SUPV3L1: variants seen among roughly 807,000 people sequenced by gnomAD.
SUPV3L1 encodes the protein Suv3 like RNA helicase, also known as ATP-dependent RNA helicase SUPV3L1, mitochondrial.
Under a neutral mutation model 70.0 loss-of-function variants are expected in SUPV3L1, and 35 were observed. The ratio of observed to expected loss-of-function variants is 0.50; its 90% CI spans 0.38 to 0.66. The LOEUF (loss-of-function observed/expected upper bound fraction) is 0.66, where lower values mean the gene tolerates loss of function less well. Among genes scored for constraint, SUPV3L1 ranks in the 30% least tolerant of loss-of-function variants. SUPV3L1 has a pLI of 0.00. For missense variants in SUPV3L1, 777 were observed against 961.5 expected (o/e 0.81, Z 2.54); for synonymous variants, 364 against 341.9 (o/e 1.06, Z -0.71).
At chr10:69,203,132 A>G in intron 13 of SUPV3L1, 89 bp downstream of exon 13, 2 of 1,365,130 alleles carry the variant, frequency 1.5e-6, no homozygotes, top group Non-Finnish European at 2.0e-6. Flanking sequence ...TAAAATAATT[A>G]CAAGAGTATT....
intron 1 of SUPV3L1, among the ~76,000 whole-genome samples, chr10:69,182,298 CTTAA>C (rs890701929): frequency 1.3e-5 from 2 of 152,098 alleles, no homozygotes; most frequent in Non-Finnish European, 2.9e-5. Context: ...CCCAGCCAGT[CTTAA>C]TTGTTTTTAA....
intron 8 of SUPV3L1, among the ~76,000 whole-genome samples, chr10:69,197,454 T>C (rs1842571596): frequency 6.6e-6 from 1 of 152,242 alleles, no homozygotes; most frequent in South Asian, 2.1e-4. Flanking sequence ...ACACATCTAA[T>C]TGCCAGACAC....
At chr10:69,181,615 A>T (rs1842063729) in intron 1 of SUPV3L1, among the ~76,000 whole-genome samples, 1 of 152,178 alleles carries the variant, frequency 6.6e-6, no homozygotes, top group Non-Finnish European at 1.5e-5. Context: ...ATAGAGGTGT[A>T]TTTGACTCAT....
At chr10:69,208,327 G>C (rs1842889565) in intron 14 of SUPV3L1, among the ~76,000 whole-genome samples, 1 of 152,232 alleles carries the variant, frequency 6.6e-6, no homozygotes, top group Non-Finnish European at 1.5e-5. Flanking sequence ...CATTTGAGAA[G>C]TCCTGTTCTA....
At chr10:69,197,109 C>T (rs766284998) in intron 8 of SUPV3L1, 26 bp downstream of exon 8, 2 of 1,602,452 alleles carry the variant, frequency 1.2e-6, no homozygotes, top group South Asian at 2.2e-5. Context: ...CTTTGTTCTC[C>T]AGGTGGCATA....
At chr10:69,207,720 T>C (rs1488357098) in intron 13 of SUPV3L1, 73 bp from the exon 14 acceptor site, 1 of 1,498,066 alleles carries the variant, frequency 6.7e-7, no homozygotes, top group African/African-American at 1.4e-5. Context: ...GCTTTCTTTT[T>C]TTTCTCTTTC....
intron 1 of SUPV3L1, among the ~76,000 whole-genome samples, chr10:69,181,626 G>C (rs1170423796): frequency 6.6e-6 from 1 of 152,180 alleles, no homozygotes; most frequent in Non-Finnish European, 1.5e-5. Context: ...TTTGACTCAT[G>C]GTTCTGAGCC....
At chr10:69,194,879 G>A (rs764258671) in intron 6 of SUPV3L1, among the ~76,000 whole-genome samples, 6 of 148,962 alleles carry the variant, frequency 4.0e-5, no homozygotes, top group Non-Finnish European at 8.8e-5. Flanking sequence ...GAGCTAGATG[G>A]CCTGGGTTTG....
At position 69,180,351 on chromosome 10, in the gene SUPV3L1, C is replaced by G. The variant is rs761259439; in HGVS notation, c.60C>G (p.His20Gln). The change falls in exon 1 of 15, where the codon CAC becomes CAG. Residue 20 changes from histidine (H) to glutamine (Q), a missense_variant. His to Gln is a conservative substitution (Grantham distance 24). Coordinates refer to ENST00000359655, the MANE Select transcript of SUPV3L1 (RefSeq NM_003171.5). ...ARLPAGRQAG[H>Q]RAAICSALRP... ...TCCCGGCGGGGCGCCAGGCTGGCCA[C>G]CGGGCAGCCATCTGCTCTGCCCTTC... 19 of 1,614,174 alleles carry G rather than the reference C, an allele frequency of 1.2e-5. No homozygotes were observed. Among genetic ancestry groups the G allele is most frequent in the Non-Finnish European group, 1.5e-5 (18 of 1,180,024 alleles).
Position 69,191,738 on chromosome 10 carries a change from A to G in SUPV3L1, c.825A>G (p.Thr275=). 6.2e-7 allele frequency: 1 copy of G among 1,613,904 alleles called. No homozygotes were observed. The highest frequency in any genetic ancestry group is 1.7e-4 in the Middle Eastern group (1 of 6,060). The stretch of plus-strand genomic sequence containing the variant: ...AACAGGCTTCACATGTTTCTTGTAC[A>G]GTTGAGATGTGCAGTGTTACAACTC... ...NGKQASHVSC[T]VEMCSVTTPY... Residue 275 remains threonine, a synonymous_variant, in exon 6 of 15, where the codon ACA becomes ACG. Transcript: ENST00000359655.
chr10:69,185,051 A>G (rs958949951), intron 1 of SUPV3L1, among the ~76,000 whole-genome samples: 5 of 152,212 alleles, frequency 3.3e-5, no homozygotes, highest in African/African-American at 1.2e-4. Context: ...TTATCTCCCA[A>G]TAGCATAGAC....
intron 5 of SUPV3L1, among the ~76,000 whole-genome samples, chr10:69,191,367 C>T (rs2132279795): frequency 6.6e-6 from 1 of 151,458 alleles, no homozygotes; most frequent in East Asian, 2.0e-4. Context: ...TAGCTGGGAC[C>T]ACAGGTGTGC....
At chr10:69,186,391 C>G in intron 2 of SUPV3L1, 52 bp from the exon 3 acceptor site, 1 of 1,242,672 alleles carries the variant, frequency 8.0e-7, no homozygotes, top group Non-Finnish European at 1.2e-6. Flanking sequence ...TGTCTGTGTG[C>G]TTTTTAAAAT....
chr10:69,183,323 G>GCCTT (rs1276538054), intron 1 of SUPV3L1, among the ~76,000 whole-genome samples: 1 of 152,196 alleles, frequency 6.6e-6, no homozygotes, highest in Non-Finnish European at 1.5e-5. Flanking sequence ...AGCCCCTTAT[G>GCCTT]TGTCTCCTCA....
In SUPV3L1 at chr10:69,186,536, T is replaced by C. The variant is rs374862991; in HGVS notation, c.443T>C (p.Ile148Thr). The C allele has an allele frequency of 1.7e-5, 28 of 1,613,360 alleles. No homozygotes were observed. The highest frequency in any genetic ancestry group is 2.2e-5 in the East Asian group (1 of 44,880). Reference sequence around the variant, plus strand: ...GACATTCACATTGTTTTGAATGATATTTGCTTCGGTGCAGGCAAGTGTTTA... The same window carrying C: ...GACATTCACATTGTTTTGAATGATACTTGCTTCGGTGCAGGCAAGTGTTTA... ...DVDIHIVLND[I>T]CFGAAHADDL... The change falls in exon 3 of 15, where the codon ATT becomes ACT. Residue 148 changes from isoleucine to threonine, a missense_variant. By Grantham distance (89) the Ile-to-Thr change is moderately conservative (BLOSUM62 -1). Around this residue, in one of 2 missense-constraint regions of SUPV3L1, gnomAD observed 619 missense variants for 823.3 expected, o/e 0.75. Coordinates refer to ENST00000359655, the MANE Select transcript of SUPV3L1 (RefSeq NM_003171.5).
chr10:69,202,565 G>A, intron 12 of SUPV3L1, 46 bp downstream of exon 12: 1 of 1,542,366 alleles, frequency 6.5e-7, no homozygotes, highest in East Asian at 2.3e-5. Flanking sequence ...ATGTTGATAT[G>A]TCAGGTGATT....
chr10:69,192,139 ATG>A, intron 6 of SUPV3L1: 1 of 155,232 alleles, frequency 6.4e-6, no homozygotes, highest in East Asian at 1.9e-4. Flanking sequence ...ACACTTGAAC[ATG>A]TGAAATACGA....
chr10:69,202,844 ATT>A, intron 12 of SUPV3L1, 21 bp from the exon 13 acceptor site: 1 of 1,605,412 alleles, frequency 6.2e-7, no homozygotes, highest in Non-Finnish European at 8.5e-7. Context: ...CAGTCCAGTA[ATT>A]TCTGTCTTTT....
At chr10:69,207,460 A>G (rs1842860262) in intron 13 of SUPV3L1, among the ~76,000 whole-genome samples, 1 of 152,104 alleles carries the variant, frequency 6.6e-6, no homozygotes, top group African/African-American at 2.4e-5. Flanking sequence ...AATCACAGGC[A>G]CACACCACCA....
Sources: allele counts gnomAD v4.1 joint callset (sites outside exome capture counted in the v4.1 genomes callset), GRCh38; gene constraint gnomAD v4.1.1; regional missense constraint gnomAD v4.1.1; transcripts MANE v1.5; gene names NCBI Gene and HGNC (gene_info 2026-07-23, HGNC 2026-07-21).